The following NSMCE2 variants were observed in gnomAD, a reference collection of about 807,000 sequenced individuals.
NSMCE2 encodes the protein E3 SUMO-protein ligase NSE2.
Under a neutral mutation model 23.8 loss-of-function variants are expected in NSMCE2, and 24 were observed. That is an observed-to-expected ratio of 1.01 (90% CI 0.73 to 1.42). The LOEUF is 1.42. Ranked by LOEUF, NSMCE2 falls within the 40% of genes most tolerant of loss-of-function variation. The pLI is 0.00. For missense variants in NSMCE2, 284 were observed against 296.5 expected (o/e 0.96, Z 0.31); for synonymous variants, 92 against 94.1 (o/e 0.98, Z 0.13).
intron 5 of NSMCE2, among the ~76,000 whole-genome samples, chr8:125,346,729 A>T (rs550626961): frequency 8.1e-4 from 123 of 152,278 alleles, no homozygotes; most frequent in South Asian, 1.9e-3. Flanking sequence ...TTTGAAGTGG[A>T]TATTGTATGA....
intron 5 of NSMCE2, among the ~76,000 whole-genome samples, chr8:125,215,616 A>G (rs760757980): frequency 4.6e-5 from 7 of 152,160 alleles, no homozygotes; most frequent in Non-Finnish European, 8.8e-5. Context: ...GGAATCGCCT[A>G]TGTCCTGAAT....
intron 7 of NSMCE2, among the ~76,000 whole-genome samples, chr8:125,365,639 T>C (rs1312508183): frequency 2.0e-5 from 3 of 151,872 alleles, no homozygotes; most frequent in Non-Finnish European, 4.4e-5. Flanking sequence ...GTGGATCACT[T>C]GAGGTCAGGA....
At chr8:125,354,106 A>AT (rs1212371899) in intron 5 of NSMCE2, among the ~76,000 whole-genome samples, 4 of 151,322 alleles carry the variant, frequency 2.6e-5, no homozygotes, top group Non-Finnish European at 4.4e-5. Flanking sequence ...TAATTTTTGT[A>AT]TTTTTAGTAG....
intron 5 of NSMCE2, among the ~76,000 whole-genome samples, chr8:125,308,548 A>AT (rs1452093258): frequency 6.6e-6 from 1 of 152,116 alleles, no homozygotes; most frequent in African/African-American, 2.4e-5. Flanking sequence ...CTGCTGATAG[A>AT]TTTGAGACTA....
intron 4 of NSMCE2, among the ~76,000 whole-genome samples, chr8:125,160,812 C>G (rs562966369): frequency 6.6e-6 from 1 of 152,304 alleles, no homozygotes; most frequent in Admixed American, 6.5e-5. Context: ...GTATTTCTCT[C>G]TGTGTACGAG....
chr8:125,364,270 C>T (rs972454082), intron 7 of NSMCE2, among the ~76,000 whole-genome samples: 7 of 152,122 alleles, frequency 4.6e-5, no homozygotes, highest in Non-Finnish European at 8.8e-5. Context: ...AAAATAAATA[C>T]TGTTATTAAG....
chr8:125,134,094 A>T (rs746390786), intron 3 of NSMCE2, among the ~76,000 whole-genome samples: 2 of 152,246 alleles, frequency 1.3e-5, no homozygotes, highest in African/African-American at 4.8e-5. Context: ...AGCAAATTAT[A>T]GTACAAAGCA....
intron 7 of NSMCE2, among the ~76,000 whole-genome samples, chr8:125,361,680 G>A (rs182602186): frequency 6.6e-6 from 1 of 152,334 alleles, no homozygotes; most frequent in Non-Finnish European, 1.5e-5. Context: ...AAAGCACTTA[G>A]TTGAAAGCTC....
intron 5 of NSMCE2, among the ~76,000 whole-genome samples, chr8:125,217,927 T>TA (rs1367891714): frequency 2.7e-5 from 4 of 147,864 alleles, no homozygotes; most frequent in Non-Finnish European, 6.0e-5. Flanking sequence ...GGATAGAAAA[T>TA]AAAGAGACAA....
chr8:125,358,130 C>G (rs569347300), intron 7 of NSMCE2, among the ~76,000 whole-genome samples: 17 of 152,182 alleles, frequency 1.1e-4, no homozygotes, highest in Non-Finnish European at 2.2e-4. Flanking sequence ...GTCAGGAGTT[C>G]AAGACCAGCC....
intron 4 of NSMCE2, among the ~76,000 whole-genome samples, chr8:125,161,330 C>T (rs200930288): frequency 1.3e-5 from 2 of 152,152 alleles, no homozygotes; most frequent in African/African-American, 2.4e-5. Context: ...ATACAGCACT[C>T]TTTAGTGAAA....
At chr8:125,182,415 T>C in intron 5 of NSMCE2, 159 bp downstream of exon 5, 1 of 690,044 alleles carries the variant, frequency 1.4e-6, no homozygotes, top group Admixed American at 2.8e-5. Flanking sequence ...GTATTTTGTC[T>C]AATTTTTGGT....
intron 5 of NSMCE2, among the ~76,000 whole-genome samples, chr8:125,214,504 G>A (rs1027590044): frequency 5.3e-5 from 8 of 152,128 alleles, no homozygotes; most frequent in African/African-American, 1.2e-4. Context: ...AGGACCCTAC[G>A]TGAAAGAAAG....
At chr8:125,362,118 A>G (rs1813584504) in intron 7 of NSMCE2, among the ~76,000 whole-genome samples, 1 of 152,192 alleles carries the variant, frequency 6.6e-6, no homozygotes, top group Non-Finnish European at 1.5e-5. Context: ...CGAGGCCTGA[A>G]GGGCTGACTC....
intron 5 of NSMCE2, among the ~76,000 whole-genome samples, chr8:125,334,003 A>C (rs1182723051): frequency 2.0e-5 from 3 of 151,984 alleles, no homozygotes; most frequent in Non-Finnish European, 4.4e-5. Flanking sequence ...CTACTCCTTC[A>C]TGCTCCTGGG....
At chr8:125,257,724 C>T (rs577482341) in intron 5 of NSMCE2, among the ~76,000 whole-genome samples, 13 of 151,912 alleles carry the variant, frequency 8.6e-5, no homozygotes, top group African/African-American at 3.1e-4. Flanking sequence ...TTAGTAGAAA[C>T]GGGGTTTCAT....
chr8:125,146,459 C>T (rs536506344), intron 3 of NSMCE2, among the ~76,000 whole-genome samples: 7 of 152,222 alleles, frequency 4.6e-5, no homozygotes, highest in South Asian at 4.2e-4. Flanking sequence ...ATGTTTATTG[C>T]GGCACTATTC....
intron 3 of NSMCE2, among the ~76,000 whole-genome samples, chr8:125,120,587 G>A (rs568320549): frequency 4.6e-5 from 7 of 152,280 alleles, no homozygotes; most frequent in Admixed American, 6.5e-5. Flanking sequence ...TATTGGGCAA[G>A]CCAGAGGTTA....
chr8:125,326,378 G>A (rs186135916), intron 5 of NSMCE2, among the ~76,000 whole-genome samples: 13 of 152,232 alleles, frequency 8.5e-5, no homozygotes, highest in African/African-American at 2.9e-4. Flanking sequence ...ATCTCTTTGA[G>A]TAAAAATAGG....
Sources: gnomAD v4.1 joint callset for allele counts (sites outside exome capture counted in the v4.1 genomes callset) on GRCh38, gnomAD v4.1.1 for gene constraint, MANE v1.5 for transcripts, NCBI Gene and HGNC (gene_info 2026-07-23, HGNC 2026-07-21) for gene names.